The following TTC3 variants were observed in gnomAD, a reference collection of about 807,000 sequenced individuals.
TTC3 encodes tetratricopeptide repeat domain 3, also known as E3 ubiquitin-protein ligase TTC3.
In TTC3, 180 loss-of-function variants were observed where a neutral mutation model predicts 249.6. The ratio of observed to expected loss-of-function variants is 0.72; its 90% CI spans 0.64 to 0.82. TTC3 has a LOEUF of 0.82. Among genes scored for constraint, TTC3 ranks in the 40% least tolerant of loss-of-function variants. TTC3 has a pLI of 0.00. For missense variants in TTC3, 2,061 were observed against 2,398.4 expected, an observed-to-expected ratio of 0.86 and a Z score of 2.94; for synonymous variants, 717 against 805.0, an observed-to-expected ratio of 0.89 and a Z score of 1.85.
rs901753567 is a variant in TTC3, at chr21:37,178,887, G to C, written c.4618-3887G>C. ...AGCTGAGAGGGTCACTTGAGCCCAGGGGTTTTGAGGCTACAGTGAGCCAGG... is the reference window on the plus strand; with the variant it reads ...AGCTGAGAGGGTCACTTGAGCCCAGCGGTTTTGAGGCTACAGTGAGCCAGG... On this transcript the variant is annotated intron_variant, in intron 35 of 45. Transcript: ENST00000355666. 2.6e-5 allele frequency among the ~76,000 whole-genome samples: 4 copies of C among 151,980 alleles called. 1 individual carries two copies. The highest frequency in any genetic ancestry group is 2.6e-4 in the Admixed American group (4 of 15,252).
rs2072880067 is a variant in TTC3, at chr21:37,088,902, T to G, written c.426+16T>G. 1.2e-6 allele frequency: 2 copies of G among 1,609,762 alleles called. No individual in the cohort carries two copies. Among genetic ancestry groups the G allele is most frequent in the East Asian group, 4.5e-5 (2 of 44,822 alleles). ...GAAAGTTGCTGTAAGTGGTAGAATG[T>G]AGGTTCCCCCGAGCCCTTGGTTTAA... On this transcript the variant is annotated intron_variant, in intron 5 of 45. Coordinates refer to ENST00000355666, the Ensembl canonical transcript of TTC3.
intron 16 of TTC3, among the ~76,000 whole-genome samples, chr21:37,129,415 C>T (rs59095090): frequency 0.04 from 6,021 of 152,234 alleles, 315 homozygotes; most frequent in East Asian, 0.23. Flanking sequence ...CTCCTGCAGT[C>T]CCTTCTCTAA....
At chr21:37,152,008 C>A in exon 26 of TTC3, 1 of 1,590,696 alleles carries the variant, frequency 6.3e-7, no homozygotes, top group Non-Finnish European at 8.5e-7. Context: ...AAGTAATCCA[C>A]CCAAAAATGA....
At chr21:37,091,157 G>T in intron 6 of TTC3, 136 bp from the exon 7 acceptor site, 2 of 843,300 alleles carry the variant, frequency 2.4e-6, no homozygotes. Flanking sequence ...TTACATGCCA[G>T]AGTAGCAAAA....
chr21:37,165,356 A>T (rs2081153420), intron 32 of TTC3, among the ~76,000 whole-genome samples, 194 bp from the exon 33 acceptor site: 1 of 152,244 alleles, frequency 6.6e-6, no homozygotes, highest in African/African-American at 2.4e-5. Flanking sequence ...ATTTTCTAGG[A>T]GGTAGACAAA....
intron 13 of TTC3, among the ~76,000 whole-genome samples, chr21:37,124,262 C>A (rs990127271): frequency 2.6e-5 from 4 of 151,610 alleles, no homozygotes; most frequent in African/African-American, 7.3e-5. Context: ...ATTACAGGCA[C>A]ATGCCACCAC....
At position 37,088,037 on chromosome 21, in the gene TTC3, T is replaced by G. The variant is rs548408083; in HGVS notation, c.188-159T>G. On this transcript the variant is annotated intron_variant, in intron 3 of 45. Coordinates refer to ENST00000355666, the Ensembl canonical transcript of TTC3. ...ACTTTTCTTTGTTAAAATAGAGTTTTTGCCAGCACTTAAATATTCTTAACA... is the reference window on the plus strand; with the variant it reads ...ACTTTTCTTTGTTAAAATAGAGTTTGTGCCAGCACTTAAATATTCTTAACA... 2,255 of 950,064 alleles carry G rather than the reference T, an allele frequency of 2.4e-3. 9 individuals carry two copies. Among genetic ancestry groups the G allele is most frequent in the Non-Finnish European group, 2.8e-3 (1,831 of 650,766 alleles). 58.9% of individuals were successfully genotyped at this position (950,064 alleles called of 1,614,324 possible). A position where few individuals can be genotyped will look rare whatever the true frequency, so the allele number is the denominator to read the frequency against.
At chr21:37,122,836 T>C (rs1400677117) in intron 12 of TTC3, 147 bp from the exon 13 acceptor site, 2 of 790,628 alleles carry the variant, frequency 2.5e-6, no homozygotes, top group Non-Finnish European at 4.0e-6. Flanking sequence ...TAAAGACATC[T>C]AGAAATGTAA....
At chr21:37,129,632 T>C (rs557117509) in intron 16 of TTC3, among the ~76,000 whole-genome samples, 1 of 145,898 alleles carries the variant, frequency 6.9e-6, no homozygotes, top group South Asian at 2.4e-4. Context: ...GCCTCCTATC[T>C]TTTTTTTTGT....
intron 15 of TTC3, among the ~76,000 whole-genome samples, chr21:37,127,722 C>T (rs962772942): frequency 3.3e-5 from 5 of 152,094 alleles, no homozygotes; most frequent in Non-Finnish European, 7.4e-5. Context: ...TTTTTCTTTC[C>T]ATAGTTTTGC....
At position 37,190,261 on chromosome 21, in the gene TTC3, G is replaced by T. The variant is rs144887424; in HGVS notation, c.5025-1073G>T. On this transcript the variant is annotated intron_variant, in intron 39 of 45. Coordinates refer to ENST00000355666, the Ensembl canonical transcript of TTC3. ...GGTTCAAGTGATTCTCCTGCTTCCCGAGTAGCTGGGATTATAGGCTCCCAC... is the reference window on the plus strand; with the variant it reads ...GGTTCAAGTGATTCTCCTGCTTCCCTAGTAGCTGGGATTATAGGCTCCCAC... Among the ~76,000 whole-genome samples, 125 of 144,304 alleles carry T rather than the reference G, an allele frequency of 8.7e-4. 1 individual carries two copies. The East Asian group carries it at 0.026, about 30-fold the overall frequency. 94.7% of individuals were successfully genotyped at this position (144,304 alleles called of 152,430 possible).
intron 34 of TTC3, among the ~76,000 whole-genome samples, chr21:37,171,312 A>G (rs2081761878): frequency 6.6e-6 from 1 of 152,214 alleles, no homozygotes; most frequent in African/African-American, 2.4e-5. Context: ...TAGGACCTTG[A>G]TGCTAGTATA....
chr21:37,150,053 G>GTTT, intron 23 of TTC3, 25 bp from the exon 24 acceptor site: 10 of 1,318,818 alleles, frequency 7.6e-6, no homozygotes, highest in Non-Finnish European at 7.4e-6. Context: ...CATTTTTCTT[G>GTTT]TTTTTTTTTT....
intron 18 of TTC3, among the ~76,000 whole-genome samples, chr21:37,137,614 C>T (rs2078073835): frequency 6.6e-6 from 1 of 152,102 alleles, no homozygotes; most frequent in African/African-American, 2.4e-5. Flanking sequence ...GAATCTACTC[C>T]TTGTGAAGAT....
chr21:37,101,129 A>G (rs1247132100), intron 10 of TTC3: 1 of 152,210 alleles, frequency 6.6e-6, no homozygotes, highest in Admixed American at 6.5e-5. Flanking sequence ...ATTGCTTTGG[A>G]AACTCATGTA....
exon 33 of TTC3, chr21:37,165,696 G>A (rs775000731): frequency 1.1e-5 from 18 of 1,613,738 alleles, no homozygotes; most frequent in Middle Eastern, 1.7e-4. Context: ...GGATGCCCTC[G>A]TTTTGTTGTG....
Position 37,185,662 on chromosome 21 carries a change from A to C in TTC3, c.4758-44A>C, listed in dbSNP as rs558276835. On this transcript the variant is annotated intron_variant, in intron 36 of 45. Transcript: ENST00000355666. ...TTTACTGTGTGGGGGTCCTGTTAAA[A>C]ATTTTTCAAAATTAATTAATATTTG... 8.9e-6 allele frequency: 12 copies of C among 1,344,866 alleles called. No homozygotes were observed. The African/African-American group carries it at 1.1e-4, about 12-fold the overall frequency. 83.3% of individuals were successfully genotyped at this position (1,344,866 alleles called of 1,614,324 possible).
At chr21:37,174,835 G>A (rs1348323542) in intron 35 of TTC3, among the ~76,000 whole-genome samples, 1 of 152,060 alleles carries the variant, frequency 6.6e-6, no homozygotes, top group Non-Finnish European at 1.5e-5. Flanking sequence ...CCTCACCTGG[G>A]GTGGTTGAAA....
chr21:37,152,228 T>C (rs2148012764), intron 26 of TTC3, among the ~76,000 whole-genome samples, 199 bp downstream of exon 26: 1 of 152,262 alleles, frequency 6.6e-6, no homozygotes, highest in Middle Eastern at 3.4e-3. Flanking sequence ...CTTTCAGAGA[T>C]TGTATTCCCA....
Sources: gnomAD v4.1 joint callset for allele counts (sites outside exome capture counted in the v4.1 genomes callset) on GRCh38, gnomAD v4.1.1 for gene constraint, MANE v1.5 for transcripts, NCBI Gene and HGNC (gene_info 2026-07-23, HGNC 2026-07-21) for gene names.